Variants in ARHGAP10 observed in about 807,000 individuals in gnomAD.
The protein encoded by ARHGAP10 is rho GTPase-activating protein 10.
A neutral mutation model predicts 108.6 loss-of-function variants in ARHGAP10; 87 were observed. That is an observed-to-expected ratio of 0.80 (90% CI 0.67 to 0.96). The LOEUF is 0.96. Ranked by LOEUF, ARHGAP10 falls within the 40% of genes least tolerant of loss-of-function variation. ARHGAP10 has a pLI of 0.00. For synonymous variants in ARHGAP10, 347 were observed against 341.1 expected, an observed-to-expected ratio of 1.02 and a Z score of -0.19; for missense variants, 939 against 954.5, an observed-to-expected ratio of 0.98 and a Z score of 0.21.
intron 18 of ARHGAP10, among the ~76,000 whole-genome samples, chr4:147,992,042 T>C (rs1369654852): frequency 6.6e-6 from 1 of 152,128 alleles, no homozygotes; most frequent in African/African-American, 2.4e-5. Context: ...CCATTACGGG[T>C]TAAGGAAATT....
chr4:147,813,476 A>G (rs7683103), intron 1 of ARHGAP10, among the ~76,000 whole-genome samples: 30,511 of 152,232 alleles, frequency 0.2, 4,728 homozygotes, highest in African/African-American at 0.44. Context: ...ATTTTAATTT[A>G]GGAAATCAGA....
At chr4:147,991,193 T>C (rs998930772) in intron 18 of ARHGAP10, among the ~76,000 whole-genome samples, 3 of 151,368 alleles carry the variant, frequency 2.0e-5, no homozygotes, top group East Asian at 1.9e-4. Context: ...AGTCTTTCCA[T>C]TAGGTCTAGG....
intron 18 of ARHGAP10, among the ~76,000 whole-genome samples, chr4:147,970,484 G>A (rs914424477): frequency 6.6e-6 from 1 of 152,164 alleles, no homozygotes; most frequent in African/African-American, 2.4e-5. Flanking sequence ...AGAGGCCTAT[G>A]TGTGTCACTG....
At chr4:147,736,452 A>G (rs1181398585) in intron 1 of ARHGAP10, among the ~76,000 whole-genome samples, 3 of 152,142 alleles carry the variant, frequency 2.0e-5, no homozygotes, top group South Asian at 2.1e-4. Flanking sequence ...TAATTTTCCT[A>G]TTTTGTAAAC....
intron 22 of ARHGAP10, among the ~76,000 whole-genome samples, chr4:148,069,278 G>T (rs7666432): frequency 6.6e-6 from 1 of 152,056 alleles, no homozygotes. Flanking sequence ...AGCCCACCTC[G>T]CCCACTGCTC....
intron 1 of ARHGAP10, among the ~76,000 whole-genome samples, chr4:147,791,286 A>G (rs538985469): frequency 2.6e-5 from 4 of 151,614 alleles, no homozygotes; most frequent in African/African-American, 7.3e-5. Context: ...TAATTTTTGT[A>G]TTTTTAGCAG....
At chr4:147,765,763 G>A (rs1262177741) in intron 1 of ARHGAP10, among the ~76,000 whole-genome samples, 1 of 152,170 alleles carries the variant, frequency 6.6e-6, no homozygotes, top group African/African-American at 2.4e-5. Flanking sequence ...TTGCACAACT[G>A]CACTCCAGCC....
Position 147,805,781 on chromosome 4 carries a change from C to T in ARHGAP10, c.155-16946C>T, listed in dbSNP as rs140565945. 2.8e-4 allele frequency among the ~76,000 whole-genome samples: 42 copies of T among 152,168 alleles called. No homozygotes were observed. In the East Asian group the frequency reaches 5.8e-3, roughly 21 times the overall value. On this transcript the variant is annotated intron_variant, in intron 1 of 22. Transcript: ENST00000336498. ...GTGAGCTATGATCACACCACTGCAT[C>T]GTGGGCAACAGAGCAAGACCCTGTC...
Position 147,732,690 on chromosome 4 carries a change from A to C in ARHGAP10, c.154+235A>C, listed in dbSNP as rs1237998413. On this transcript the variant is annotated intron_variant, in intron 1 of 22. Transcript: ENST00000336498. The stretch of plus-strand genomic sequence containing the variant: ...CTGCGGCTCTGCGGCGGCGGGAACC[A>C]GCTGCCAGCGGGCCCCGCCTGGGCC... Among the ~76,000 whole-genome samples the C allele has an allele frequency of 2.0e-5, 3 of 151,852 alleles. No homozygotes were observed. In the East Asian group the frequency reaches 5.8e-4, roughly 29 times the overall value.
At chr4:148,007,123 G>T (rs1740982276) in intron 18 of ARHGAP10, among the ~76,000 whole-genome samples, 1 of 152,212 alleles carries the variant, frequency 6.6e-6, no homozygotes, top group South Asian at 2.1e-4. Context: ...GAAGAAAAGG[G>T]TTACTGTTTA....
rs547454848 is a variant in ARHGAP10 at position 147,754,649 on chromosome 4, G to A, written c.154+22194G>A. On this transcript the variant is annotated intron_variant, in intron 1 of 22. Transcript: ENST00000336498. ...TTTTTTTTGTCTTTCACCAGCTAGA[G>A]AATTTGGGTGAAATTTTACTGTTAC... Among the ~76,000 whole-genome samples the A allele has an allele frequency of 1.3e-4, 20 of 152,062 alleles. No individual in the cohort carries two copies. The South Asian group carries it at 3.9e-3, about 30-fold the overall frequency.
chr4:147,881,119 C>T (rs1020446349), intron 9 of ARHGAP10, among the ~76,000 whole-genome samples: 1 of 151,544 alleles, frequency 6.6e-6, no homozygotes, highest in Non-Finnish European at 1.5e-5. Flanking sequence ...ACTAAAAATA[C>T]AAAAATTAGC....
At chr4:148,033,425 C>G (rs1338881634) in intron 19 of ARHGAP10, among the ~76,000 whole-genome samples, 4 of 152,144 alleles carry the variant, frequency 2.6e-5, no homozygotes, top group Non-Finnish European at 5.9e-5. Flanking sequence ...CAAAAATATT[C>G]TCACTTTTAA....
chr4:147,847,615 G>A (rs1051607526), intron 4 of ARHGAP10, among the ~76,000 whole-genome samples: 3 of 152,186 alleles, frequency 2.0e-5, no homozygotes, highest in African/African-American at 7.2e-5. Context: ...CTGTGATGCC[G>A]TTGAAACTAG....
chr4:147,791,874 C>G (rs1278382774), intron 1 of ARHGAP10, among the ~76,000 whole-genome samples: 1 of 152,202 alleles, frequency 6.6e-6, no homozygotes, highest in South Asian at 2.1e-4. Flanking sequence ...CATGAGCCAT[C>G]GTGCCCAGCC....
intron 18 of ARHGAP10, among the ~76,000 whole-genome samples, chr4:147,989,133 G>A (rs997485954): frequency 6.6e-6 from 1 of 152,212 alleles, no homozygotes; most frequent in African/African-American, 2.4e-5. Context: ...GGTAGGATCC[G>A]TGATGCCCCA....
At chr4:147,952,562 G>A (rs1424486937) in intron 15 of ARHGAP10, among the ~76,000 whole-genome samples, 1 of 152,052 alleles carries the variant, frequency 6.6e-6, no homozygotes, top group Non-Finnish European at 1.5e-5. Flanking sequence ...ATTTTCTTGG[G>A]TGAAGTGTCT....
At chr4:147,763,970 G>A (rs912404588) in intron 1 of ARHGAP10, among the ~76,000 whole-genome samples, 1 of 152,018 alleles carries the variant, frequency 6.6e-6, no homozygotes, top group Non-Finnish European at 1.5e-5. Flanking sequence ...GGCCAGGCTG[G>A]TCTCAAACTC....
Position 147,773,581 on chromosome 4 carries a change from A to G in ARHGAP10, c.154+41126A>G, listed in dbSNP as rs377580783. Among the ~76,000 whole-genome samples, 3 of 152,192 alleles carry G rather than the reference A, an allele frequency of 2.0e-5. 1 individual carries two copies. Among genetic ancestry groups the G allele is most frequent in the Non-Finnish European group, 4.4e-5 (3 of 68,030 alleles). On this transcript the variant is annotated intron_variant, in intron 1 of 22. Coordinates refer to ENST00000336498, the MANE Select transcript of ARHGAP10 (RefSeq NM_024605.4). ...TATAACACAGCAAACTGACATTGTA[A>G]TGTTTTCCAATATGTGATTTTCATT...
Sources: allele counts gnomAD v4.1 joint callset (sites outside exome capture counted in the v4.1 genomes callset), GRCh38; gene constraint gnomAD v4.1.1; transcripts MANE v1.5; gene names NCBI Gene and HGNC (gene_info 2026-07-23, HGNC 2026-07-21).